The following GLDC variants were observed in gnomAD, a reference collection of about 807,000 sequenced individuals.
GLDC encodes the protein glycine dehydrogenase (decarboxylating), mitochondrial.
Under a neutral mutation model 121.3 loss-of-function variants are expected in GLDC, and 104 were observed. The observed-to-expected ratio is 0.86, with a 90% CI of 0.73 to 1.01. GLDC has a LOEUF of 1.01. Ranked by LOEUF, GLDC falls within the 50% of genes least tolerant of loss-of-function variation. The probability of loss-of-function intolerance (pLI) is 0.00; values close to 1 mark genes in which losing one functional copy is unlikely to be tolerated. For synonymous variants in GLDC, 546 were observed against 480.6 expected (o/e 1.14, Z -1.78); for missense variants, 1,429 against 1,306.6 (o/e 1.09, Z -1.44).
intron 4 of GLDC, 35 bp from the exon 5 acceptor site, chr9:6,606,704 A>T (rs1440966133): frequency 8.8e-7 from 1 of 1,142,482 alleles, no homozygotes; most frequent in East Asian, 2.3e-5. Flanking sequence ...CAACGTGAAC[A>T]TTAAATAAAT....
At chr9:6,536,773 A>C (rs549701750) in intron 22 of GLDC, among the ~76,000 whole-genome samples, 4 of 152,354 alleles carry the variant, frequency 2.6e-5, no homozygotes, top group South Asian at 4.1e-4. Flanking sequence ...TAGCTTATCA[A>C]AAGTTAAATA....
chr9:6,612,497 G>A (rs1818879112), intron 3 of GLDC, among the ~76,000 whole-genome samples: 2 of 152,228 alleles, frequency 1.3e-5, no homozygotes, highest in Admixed American at 6.5e-5. Context: ...ACTCTGGGAG[G>A]CTGAGGTGGG....
intron 2 of GLDC, among the ~76,000 whole-genome samples, chr9:6,632,199 G>A (rs114837512): frequency 3.3e-5 from 5 of 152,092 alleles, no homozygotes; most frequent in South Asian, 2.1e-4. Context: ...AAACTTTCAC[G>A]TATGGCTAGC....
chr9:6,558,108 G>T (rs1817675054), intron 17 of GLDC: 2 of 249,390 alleles, frequency 8.0e-6, no homozygotes, highest in African/African-American at 4.4e-5. Context: ...AGGTTGGGAG[G>T]TTGAGAGTGG....
intron 2 of GLDC, among the ~76,000 whole-genome samples, chr9:6,632,182 T>C (rs1444889486): frequency 3.3e-5 from 5 of 152,100 alleles, no homozygotes; most frequent in Non-Finnish European, 1.5e-5. Flanking sequence ...GCAATGAAAA[T>C]TCACCTAAAC....
chr9:6,572,203 T>G (rs1461521305), intron 15 of GLDC, among the ~76,000 whole-genome samples: 1 of 152,166 alleles, frequency 6.6e-6, no homozygotes, highest in Non-Finnish European at 1.5e-5. Context: ...ATTAAAAACT[T>G]TTTGCTCCCA....
At chr9:6,612,848 C>T (rs960741421) in intron 3 of GLDC, among the ~76,000 whole-genome samples, 18 of 151,614 alleles carry the variant, frequency 1.2e-4, no homozygotes, top group African/African-American at 4.1e-4. Context: ...GGTGACAGAG[C>T]GAGACTCCAT....
At chr9:6,611,418 T>C (rs551550467) in intron 3 of GLDC, among the ~76,000 whole-genome samples, 3 of 152,240 alleles carry the variant, frequency 2.0e-5, no homozygotes, top group South Asian at 2.1e-4. Flanking sequence ...TAGCCAGGCG[T>C]GGTGGCACGT....
At chr9:6,561,507 G>A (rs1426908867) in intron 16 of GLDC, among the ~76,000 whole-genome samples, 2 of 152,088 alleles carry the variant, frequency 1.3e-5, no homozygotes, top group East Asian at 3.8e-4. Flanking sequence ...AAAATAGCCA[G>A]GCATGGTGGT....
chr9:6,535,821 G>T, intron 23 of GLDC: 1 of 538,010 alleles, frequency 1.9e-6, no homozygotes, highest in South Asian at 2.1e-5. Flanking sequence ...GATGCAGAAT[G>T]TTACAAATTC....
At chr9:6,623,845 C>G (rs1297430934) in intron 2 of GLDC, among the ~76,000 whole-genome samples, 1 of 152,208 alleles carries the variant, frequency 6.6e-6, no homozygotes, top group Non-Finnish European at 1.5e-5. Context: ...AGTCCAATCA[C>G]CTCCCAAATA....
chr9:6,550,656 C>T lies in GLDC; in HGVS notation c.2569+147G>A, dbSNP rs752962243. On this transcript the variant is annotated intron_variant, in intron 21 of 24. Transcript: ENST00000321612. The stretch of plus-strand genomic sequence containing the variant: ...ATAACAAGATAAAATAAAATAAACC[C>T]GAGTTATTTCCAAGAACTCTACACT... 7.3e-5 allele frequency: 50 copies of T among 689,164 alleles called. No individual in the cohort carries two copies. The South Asian group carries it at 7.4e-4, about 10-fold the overall frequency. 42.7% of individuals were successfully genotyped at this position (689,164 alleles called of 1,614,324 possible).
At position 6,582,824 on chromosome 9, in the gene GLDC, G is replaced by A. The variant is rs527866941; in HGVS notation, c.1850+4317C>T. The stretch of plus-strand genomic sequence containing the variant: ...AGTCTGGGCGACAGAGCGAGACCTC[G>A]TCTCAAAAAAAAAAAAAAAGAACTG... On this transcript the variant is annotated intron_variant, in intron 15 of 24. Coordinates refer to ENST00000321612, the MANE Select transcript of GLDC (RefSeq NM_000170.3). 4.8e-5 allele frequency among the ~76,000 whole-genome samples: 7 copies of A among 145,630 alleles called. No homozygotes were observed. In the South Asian group the frequency reaches 6.4e-4, roughly 13 times the overall value.
At chr9:6,533,504 C>G (rs1817044856) in intron 24 of GLDC, among the ~76,000 whole-genome samples, 1 of 152,068 alleles carries the variant, frequency 6.6e-6, no homozygotes, top group African/African-American at 2.4e-5. Context: ...CTGACCTTCT[C>G]TTTTAACATA....
At chr9:6,614,873 A>T (rs563889269) in intron 3 of GLDC, among the ~76,000 whole-genome samples, 1 of 152,204 alleles carries the variant, frequency 6.6e-6, no homozygotes, top group East Asian at 1.9e-4. Context: ...GGCTACCAAC[A>T]TGTAGAGCAT....
Position 6,556,258 on chromosome 9 carries a change from G to A in GLDC, c.2097C>T (p.Tyr699=), listed in dbSNP as rs149694787. 61 of 1,612,934 alleles carry A rather than the reference G, an allele frequency of 3.8e-5. No individual in the cohort carries two copies. The African/African-American group carries it at 7.3e-4, about 19-fold the overall frequency. The change falls in exon 18 of 25, where the codon TAC becomes TAT. Residue 699 remains tyrosine, a synonymous_variant. Transcript: ENST00000321612. ...KENLAAIMIT[Y]PSTNGVFEEN... Reference sequence around the variant, plus strand: ...CTTCAAACACCCCATTGGTGGATGGGTATGTAATCATGATAGCTGCTAGGT... The same window carrying A: ...CTTCAAACACCCCATTGGTGGATGGATATGTAATCATGATAGCTGCTAGGT...
In GLDC at chr9:6,639,668, AG is replaced by A. The variant is rs1224986859; in HGVS notation, c.334+4945del. On this transcript the variant is annotated intron_variant, in intron 2 of 24. Coordinates refer to ENST00000321612, the MANE Select transcript of GLDC (RefSeq NM_000170.3). Reference sequence around the variant, plus strand: ...ATATATCTTTTCACCATAAAAAAAAAGTATATATATATATATATATGGACAA... The same window carrying A: ...ATATATCTTTTCACCATAAAAAAAAATATATATATATATATATATGGACAA... The A allele has an allele frequency of 7.6e-4, 191 of 250,266 alleles. 4 individuals are homozygous for A. The highest frequency in any genetic ancestry group is 3.7e-3 in the South Asian group (76 of 20,778). 15.5% of individuals were successfully genotyped at this position (250,266 alleles called of 1,614,324 possible).
rs2129853745 is a variant in GLDC, at chr9:6,592,981, C to T, written c.1271G>A (p.Arg424Gln). ...ATLILSEGLK[R>Q]AGHQLQHDLF... is the part of the protein sequence containing the mutation. ...GTCATGCTGGAGTTGATGCCCTGCT[C>T]GCTTGAGACCTACACAAGATAGGAG... The change falls in exon 10 of 25, where the codon CGA (arginine) becomes CAA (glutamine). Residue 424 changes from arginine (R) to glutamine (Q), a missense_variant. Arg to Gln is a conservative substitution (Grantham distance 43). Transcript: ENST00000321612. 5.0e-6 allele frequency: 8 copies of T among 1,613,698 alleles called. No individual in the cohort carries two copies. Among genetic ancestry groups the T allele is most frequent in the African/African-American group, 1.3e-5 (1 of 74,870 alleles).
chr9:6,595,329 A>T (rs1431727906), intron 8 of GLDC, among the ~76,000 whole-genome samples: 1 of 152,220 alleles, frequency 6.6e-6, no homozygotes, highest in African/African-American at 2.4e-5. Context: ...AGTTGTTACT[A>T]TACTAAACCT....
Sources: allele counts gnomAD v4.1 joint callset (sites outside exome capture counted in the v4.1 genomes callset), GRCh38; gene constraint gnomAD v4.1.1; transcripts MANE v1.5; gene names NCBI Gene and HGNC (gene_info 2026-07-23, HGNC 2026-07-21).